Variants in ADORA2B observed in about 807,000 individuals in gnomAD.
ADORA2B encodes the protein adenosine A2b receptor, also known as adenosine receptor A2b.
Under a neutral mutation model 20.8 loss-of-function variants are expected in ADORA2B, and 18 were observed. The observed-to-expected ratio is 0.87, with a 90% CI of 0.60 to 1.29. The LOEUF (loss-of-function observed/expected upper bound fraction) is 1.29, where lower values mean the gene tolerates loss of function less well. Ranked by LOEUF, ADORA2B falls within the 50% of genes most tolerant of loss-of-function variation. The probability of loss-of-function intolerance (pLI) is 0.00; values close to 1 mark genes in which losing one functional copy is unlikely to be tolerated. For missense variants in ADORA2B, 441 were observed against 422.7 expected (o/e 1.04, Z -0.38); for synonymous variants, 179 against 178.3 (o/e 1.00, Z -0.03).
chr17:15,865,043 G>A, the ADORA2B span, among the ~76,000 whole-genome samples: 2 of 151,750 alleles, frequency 1.3e-5, no homozygotes, highest in South Asian at 2.1e-4. Context: ...TTCATATAAA[G>A]GCCCTACATA....
At chr17:15,883,304 T>C in the ADORA2B span, among the ~76,000 whole-genome samples, 2 of 152,232 alleles carry the variant, frequency 1.3e-5, no homozygotes, top group African/African-American at 4.8e-5. Context: ...ACTAAAAATA[T>C]TCTCTTTGGA....
the ADORA2B span, among the ~76,000 whole-genome samples, chr17:15,889,671 G>A: frequency 1.5e-5 from 2 of 130,094 alleles, 1 homozygote; most frequent in Admixed American, 1.5e-4. Flanking sequence ...ACCAAGGCGG[G>A]TAGATCACCT....
At chr17:15,960,529 G>A (rs1238316312) in intron 1 of ADORA2B, among the ~76,000 whole-genome samples, 327 of 5,044 alleles carry the variant, frequency 0.065, 103 homozygotes, top group African/African-American at 0.077. Context: ...ACTCCAGCCT[G>A]GGCGACAGAG....
intron 1 of ADORA2B, among the ~76,000 whole-genome samples, chr17:15,964,371 C>T (rs931277620): frequency 1.3e-5 from 2 of 151,972 alleles, no homozygotes; most frequent in Non-Finnish European, 2.9e-5. Flanking sequence ...CTTTGGGAGG[C>T]CAAGATTGGC....
the ADORA2B span, among the ~76,000 whole-genome samples, chr17:15,930,798 A>G: frequency 0.029 from 4,439 of 152,314 alleles, 212 homozygotes; most frequent in African/African-American, 0.1. Flanking sequence ...TCAAGTGCCA[A>G]ATCTCAAAAC....
At chr17:15,964,615 CAAA>C (rs372895382) in intron 1 of ADORA2B, among the ~76,000 whole-genome samples, 23 of 66,404 alleles carry the variant, frequency 3.5e-4, no homozygotes, top group African/African-American at 5.0e-4. Flanking sequence ...GACTCTGTCT[CAAA>C]AAAAAAAAAA....
chr17:15,920,388 T>A, the ADORA2B span, among the ~76,000 whole-genome samples: 2 of 152,238 alleles, frequency 1.3e-5, no homozygotes, highest in Non-Finnish European at 2.9e-5. Context: ...TAAAAGTTTC[T>A]GTTCCCCTTA....
At chr17:15,946,578 G>A (rs1969809528) in intron 1 of ADORA2B, among the ~76,000 whole-genome samples, 1 of 152,224 alleles carries the variant, frequency 6.6e-6, no homozygotes, top group Non-Finnish European at 1.5e-5. Context: ...GAGTAGGAAG[G>A]AAGGGAAGGA....
At chr17:15,969,467 AAAT>A (rs948943141) in intron 1 of ADORA2B, among the ~76,000 whole-genome samples, 2 of 151,948 alleles carry the variant, frequency 1.3e-5, no homozygotes, top group African/African-American at 2.4e-5. Flanking sequence ...TAAATAAATA[AAAT>A]AATAATAATA....
At chr17:15,902,900 A>G in the ADORA2B span, among the ~76,000 whole-genome samples, 2 of 152,244 alleles carry the variant, frequency 1.3e-5, no homozygotes, top group Admixed American at 1.3e-4. Flanking sequence ...GCAACCTGTC[A>G]TGGCAGGTTG....
chr17:15,941,769 C>T (rs1479785443), upstream of ADORA2B, among the ~76,000 whole-genome samples: 4 of 150,848 alleles, frequency 2.7e-5, no homozygotes, highest in Non-Finnish European at 4.4e-5. Context: ...TGACTCTCTT[C>T]GGATTCCACC....
Position 15,955,708 on chromosome 17 carries a change from G to A in ADORA2B, c.335+10125G>A, listed in dbSNP as rs887890646. 3.4e-5 allele frequency among the ~76,000 whole-genome samples: 5 copies of A among 147,176 alleles called. No homozygotes were observed. In the South Asian group the frequency reaches 6.5e-4, roughly 19 times the overall value. Reference sequence around the variant, plus strand: ...CAGGCGTGAGCCACCACACCTGGCCGCCTCTGGGATTCTTTTTTTTTTTTT... The same window carrying A: ...CAGGCGTGAGCCACCACACCTGGCCACCTCTGGGATTCTTTTTTTTTTTTT... On this transcript the variant is annotated intron_variant, in intron 1 of 1. Coordinates refer to ENST00000304222, the MANE Select transcript of ADORA2B (RefSeq NM_000676.4).
At chr17:15,866,367 T>C in the ADORA2B span, among the ~76,000 whole-genome samples, 3 of 152,184 alleles carry the variant, frequency 2.0e-5, no homozygotes, top group Non-Finnish European at 4.4e-5. Context: ...TAGTGTCTCA[T>C]TGAGGTTTTG....
intron 1 of ADORA2B, among the ~76,000 whole-genome samples, chr17:15,963,656 C>T (rs1970066561): frequency 6.6e-6 from 1 of 152,176 alleles, no homozygotes; most frequent in East Asian, 1.9e-4. Flanking sequence ...ATGAAAACAG[C>T]ACATGAGAAT....
intron 1 of ADORA2B, among the ~76,000 whole-genome samples, chr17:15,966,938 G>T (rs1335640116): frequency 1.1e-4 from 16 of 152,232 alleles, no homozygotes; most frequent in African/African-American, 3.9e-4. Flanking sequence ...TGACTGCCAC[G>T]GGCTGGCGAA....
chr17:15,945,319 G>A lies in ADORA2B; in HGVS notation c.71G>A (p.Gly24Asp), dbSNP rs953320326. ...GTCATCGCCGCGCTTTCGGTGGCGGGCAACGTGCTGGTGTGCGCCGCGGTG... is the reference window on the plus strand; with the variant it reads ...GTCATCGCCGCGCTTTCGGTGGCGGACAACGTGCTGGTGTGCGCCGCGGTG... ...ELVIAALSVA[G>D]NVLVCAAVGT... is the part of the protein sequence containing the mutation. Residue 24 changes from glycine to aspartate, a missense_variant, in exon 1 of 2, where the codon GGC (glycine) becomes GAC (aspartate). Physicochemically the swap from Gly to Asp is moderately conservative, Grantham distance 94. Transcript: ENST00000304222. 2.5e-6 allele frequency: 4 copies of A among 1,587,204 alleles called. No individual in the cohort carries two copies. Among genetic ancestry groups the A allele is most frequent in the Non-Finnish European group, 3.4e-6 (4 of 1,170,234 alleles).
the ADORA2B span, among the ~76,000 whole-genome samples, chr17:15,936,269 C>T: frequency 1.4e-4 from 21 of 152,064 alleles, no homozygotes; most frequent in Non-Finnish European, 2.8e-4. Flanking sequence ...TTTGGTGAGA[C>T]ATCTTTCTTT....
intron 1 of ADORA2B, among the ~76,000 whole-genome samples, chr17:15,968,710 C>A (rs1970149851): frequency 2.0e-5 from 3 of 152,168 alleles, no homozygotes; most frequent in African/African-American, 7.2e-5. Flanking sequence ...AGTTTAGCAG[C>A]AGCAGGCACA....
At chr17:15,922,180 G>A in the ADORA2B span, among the ~76,000 whole-genome samples, 9 of 152,226 alleles carry the variant, frequency 5.9e-5, no homozygotes, top group African/African-American at 1.7e-4. Context: ...TCCCAGATGC[G>A]TACACACTGG....
Sources: gnomAD v4.1 joint callset for allele counts (sites outside exome capture counted in the v4.1 genomes callset) on GRCh38, gnomAD v4.1.1 for gene constraint, MANE v1.5 for transcripts, NCBI Gene and HGNC (gene_info 2026-07-23, HGNC 2026-07-21) for gene names.